Variants in HSPA12B observed in about 807,000 individuals in gnomAD.
HSPA12B encodes the protein heat shock protein family A (Hsp70) member 12B.
In HSPA12B, 54 loss-of-function variants were observed where a neutral mutation model predicts 69.3. The ratio of observed to expected loss-of-function variants is 0.78; its 90% CI spans 0.63 to 0.98. HSPA12B has a LOEUF of 0.98. Ranked by LOEUF, HSPA12B falls within the 50% of genes least tolerant of loss-of-function variation. The pLI, the probability that HSPA12B is intolerant of heterozygous loss-of-function variation, is 0.00. For synonymous variants in HSPA12B, 441 were observed against 436.5 expected (o/e 1.01, Z -0.13); for missense variants, 929 against 999.8 (o/e 0.93, Z 0.96).
chr20:3,733,101 C>G (rs959291516), intron 1 of HSPA12B, among the ~76,000 whole-genome samples: 23 of 152,174 alleles, frequency 1.5e-4, no homozygotes, highest in Non-Finnish European at 2.9e-5. Context: ...GGGGCCTGCT[C>G]CAGGGAGCCA....
chr20:3,744,996 A>G lies in HSPA12B; in HGVS notation c.361A>G (p.Thr121Ala), dbSNP rs750179646. The change falls in exon 5 of 13, where the codon ACC becomes GCC. Residue 121 changes from threonine to alanine, a missense_variant. Around this residue, in one of 3 missense-constraint regions of HSPA12B, gnomAD observed 477 missense variants for 535.2 expected, o/e 0.89. Transcript: ENST00000254963. This position sits in a 1 kb window ranked among gnomAD's most constrained non-coding sequence, Gnocchi z 4.9. ...PEGAFHSFGY[T>A]ARDYYHDLDP... ...GGGCGCCTTCCACAGCTTTGGCTAC[A>G]CCGCCCGCGATTACTACCATGACCT... 6.2e-7 allele frequency: 1 copy of G among 1,613,922 alleles called. No individual in the cohort carries two copies. Among genetic ancestry groups the G allele is most frequent in the Admixed American group, 1.7e-5 (1 of 60,016 alleles).
At position 3,751,615 on chromosome 20, in the gene HSPA12B, G is replaced by A. The variant is rs1197808685; in HGVS notation, c.1510G>A (p.Gly504Ser). ...GCAGCACGCGGTGCAGGCGGCGCTGGGCGCCCGCGGTCTGCGTGTCGTGGT... is the reference window on the plus strand; with the variant it reads ...GCAGCACGCGGTGCAGGCGGCGCTGAGCGCCCGCGGTCTGCGTGTCGTGGT... Reference protein sequence around the residue: ...VLQHAVQAALGARGLRVVVPH... With the variant: ...VLQHAVQAALSARGLRVVVPH... The change falls in exon 13 of 13, where the codon GGC (glycine) becomes AGC (serine). Residue 504 changes from glycine (G) to serine (S), a missense_variant. By Grantham distance (56) the Gly-to-Ser change is moderately conservative (BLOSUM62 0). This residue lies in a region of HSPA12B where 448 missense variants were observed against 448.1 expected (regional missense o/e 1.00). Coordinates refer to ENST00000254963, the MANE Select transcript of HSPA12B (RefSeq NM_052970.5). 2.6e-6 allele frequency: 4 copies of A among 1,528,670 alleles called. No homozygotes were observed. The highest frequency in any genetic ancestry group is 3.5e-6 in the Non-Finnish European group (4 of 1,140,838). 94.7% of individuals were successfully genotyped at this position (1,528,670 alleles called of 1,614,324 possible).
rs756695132 is a variant in HSPA12B at position 3,745,043 on chromosome 20, C to T, written c.408C>T (p.Asp136=). Reference sequence around the variant, plus strand: ...ACCTGGACCCCGAAGAGGCGCGGGACTGGCTCTACTTCGAGAAGTTCAAGA... The same window carrying T: ...ACCTGGACCCCGAAGAGGCGCGGGATTGGCTCTACTTCGAGAAGTTCAAGA... ...YHDLDPEEAR[D]WLYFEKFKMK... is the part of the protein sequence containing the mutation. The change falls in exon 5 of 13, where the codon GAC becomes GAT. Residue 136 remains aspartate, a synonymous_variant. Transcript: ENST00000254963. This position sits in a 1 kb window ranked among gnomAD's most constrained non-coding sequence, Gnocchi z 5.6. The T allele has an allele frequency of 1.2e-6, 2 of 1,613,940 alleles. No individual in the cohort carries two copies. Among genetic ancestry groups the T allele is most frequent in the African/African-American group, 1.3e-5 (1 of 75,050 alleles).
Position 3,742,293 on chromosome 20 carries a change from G to A in HSPA12B, c.151G>A (p.Val51Ile), listed in dbSNP as rs1256592960. The change falls in exon 4 of 13, where the codon GTC becomes ATC. Residue 51 changes from valine to isoleucine, a missense_variant. Physicochemically the swap from Val to Ile is conservative, Grantham distance 29. Transcript: ENST00000254963. ...LTPSQSPKPE[V>I]RAPQQASFSV... ...AGTCTTGCACTTGCAGAAACCCGAGGTCCGAGCCCCCCAGCAGGCCTCCTT... is the reference window on the plus strand; with the variant it reads ...AGTCTTGCACTTGCAGAAACCCGAGATCCGAGCCCCCCAGCAGGCCTCCTT... 6.2e-7 allele frequency: 1 copy of A among 1,613,794 alleles called. No individual in the cohort carries two copies. Among genetic ancestry groups the A allele is most frequent in the Non-Finnish European group, 8.5e-7 (1 of 1,179,824 alleles).
Position 3,749,234 on chromosome 20 carries a change from C to A in HSPA12B, c.853C>A (p.Arg285=). ...CCCTGCTGTCTCCTGACCCCCAGCT[C>A]GGGAGCAGCTGCGAAGGTCCCGCCA... ...RSIDSSFRQA[R]EQLRRSRHSR... is the part of the protein sequence containing the mutation. Residue 285 remains arginine (R), a splice_region_variant and synonymous_variant, in exon 9 of 13, where the codon CGG becomes AGG. Transcript: ENST00000254963. This position sits in a 1 kb window ranked among gnomAD's most constrained non-coding sequence, Gnocchi z 5.5. The A allele has an allele frequency of 6.2e-7, 1 of 1,612,120 alleles. No homozygotes were observed. The highest frequency in any genetic ancestry group is 8.5e-7 in the Non-Finnish European group (1 of 1,179,228).
At position 3,750,039 on chromosome 20, in the gene HSPA12B, CTT is replaced by C. The variant is rs1341181150; in HGVS notation, c.1114_1115del (p.Phe372HisfsTer44). On this transcript the variant is annotated frameshift_variant, in exon 11 of 13. Transcript: ENST00000254963. LOFTEE classifies it high-confidence loss of function. ...QLLCRIFGED[F>X]IATFKRQRPA... ...TGCTGTGCCGCATCTTCGGCGAGGA[CTT>C]CATCGCCACCTTCAAAAGGCAACGG... is the stretch of plus-strand genomic sequence containing the variant. 1 of 1,606,486 alleles carries C rather than the reference CTT, an allele frequency of 6.2e-7. No individual in the cohort carries two copies. Among genetic ancestry groups the C allele is most frequent in the Non-Finnish European group, 8.5e-7 (1 of 1,177,212 alleles).
chr20:3,748,195 C>T, intron 7 of HSPA12B, 22 bp from the exon 8 acceptor site: 1 of 1,521,214 alleles, frequency 6.6e-7, no homozygotes, highest in Non-Finnish European at 8.9e-7. Context: ...GCTGCCTGAC[C>T]CTGCCCACCA....
In HSPA12B at chr20:3,749,632, A is replaced by G. The variant is rs950385661; in HGVS notation, c.938-118A>G. The G allele has an allele frequency of 3.3e-5, 24 of 735,100 alleles. No homozygotes were observed. In the East Asian group the frequency reaches 5.8e-4, roughly 18 times the overall value. 45.5% of individuals were successfully genotyped at this position (735,100 alleles called of 1,614,324 possible). ...TGAAGCCCCTCACGTCCCTCCCCCG[A>G]CCCTGCAGACAGGCCTTGGGACCCG... On this transcript the variant is annotated intron_variant, in intron 9 of 12. Transcript: ENST00000254963. The surrounding 1 kb of genome is among the most constrained non-coding windows in gnomAD (Gnocchi z 5.5).
In HSPA12B at chr20:3,752,333, C is replaced by T; in HGVS notation, c.*167C>T. 1.6e-6 allele frequency: 1 copy of T among 621,518 alleles called. No individual in the cohort carries two copies. The highest frequency in any genetic ancestry group is 2.5e-6 in the Non-Finnish European group (1 of 400,378). The allele number at this position is 621,518 out of a possible 1,614,324, so 38.5% of individuals were successfully genotyped here. On this transcript the variant is annotated 3_prime_UTR_variant, in exon 13 of 13. Coordinates refer to ENST00000254963, the MANE Select transcript of HSPA12B (RefSeq NM_052970.5). ...GGTCATGGGAGAGTGGGTGGGGACACACCCAGAGACTGGCTTTGGGATTGG... is the reference window on the plus strand; with the variant it reads ...GGTCATGGGAGAGTGGGTGGGGACATACCCAGAGACTGGCTTTGGGATTGG...
At position 3,745,799 on chromosome 20, in the gene HSPA12B, C is replaced by T. The variant is rs1477443725; in HGVS notation, c.559-116C>T. 15 of 1,065,222 alleles carry T rather than the reference C, an allele frequency of 1.4e-5. No homozygotes were observed. Among genetic ancestry groups the T allele is most frequent in the Non-Finnish European group, 2.0e-5 (14 of 686,054 alleles). 66.0% of individuals were successfully genotyped at this position (1,065,222 alleles called of 1,614,324 possible). The stretch of plus-strand genomic sequence containing the variant: ...ACTGATGGGAGGGGGGCCGATTCTT[C>T]CAGCTCTGCTGGGAAGTCCTTCCTG... On this transcript the variant is annotated intron_variant, in intron 6 of 12. Coordinates refer to ENST00000254963, the MANE Select transcript of HSPA12B (RefSeq NM_052970.5). This position sits in a 1 kb window ranked among gnomAD's most constrained non-coding sequence, Gnocchi z 5.6.
Position 3,742,403 on chromosome 20 carries a change from G to A in HSPA12B, c.261G>A (p.Met87Ile), listed in dbSNP as rs747351886. 11 of 1,610,530 alleles carry A rather than the reference G, an allele frequency of 6.8e-6. No individual in the cohort carries two copies. Among genetic ancestry groups the A allele is most frequent in the Non-Finnish European group, 9.3e-6 (11 of 1,177,160 alleles). The stretch of plus-strand genomic sequence containing the variant: ...CCAGTGACCCTGAGGCCATCCACAT[G>A]ATGAGGTGAGGTCGGCTGGGCTGAG... ...SFASDPEAIH[M>I]MRKWEGGDPG... is the part of the protein sequence containing the mutation. Residue 87 changes from methionine (M) to isoleucine (I), a missense_variant, in exon 4 of 13, where the codon ATG becomes ATA. Met to Ile is a conservative substitution (Grantham distance 10). This residue lies in a region of HSPA12B where 477 missense variants were observed against 535.2 expected (regional missense o/e 0.89). Transcript: ENST00000254963.
chr20:3,752,117 T>G lies in HSPA12B; in HGVS notation c.2012T>G (p.Val671Gly). Residue 671 changes from valine (V) to glycine (G), a missense_variant, in exon 13 of 13, where the codon GTC becomes GGC. Around this residue, in one of 3 missense-constraint regions of HSPA12B, gnomAD observed 448 missense variants for 448.1 expected, o/e 1.00. Transcript: ENST00000254963. ...GAAATTAAGGTCACCGCCGTCGACG[T>G]CAGCACCAATCGCTCCGTGCGCGCG... Reference protein sequence around the residue: ...DTEIKVTAVDVSTNRSVRASI... With the variant: ...DTEIKVTAVDGSTNRSVRASI... The G allele has an allele frequency of 6.7e-7, 1 of 1,494,020 alleles. No individual in the cohort carries two copies. The highest frequency in any genetic ancestry group is 8.9e-7 in the Non-Finnish European group (1 of 1,128,878). 92.5% of individuals were successfully genotyped at this position (1,494,020 alleles called of 1,614,324 possible).
intron 1 of HSPA12B, among the ~76,000 whole-genome samples, chr20:3,735,621 A>AC (rs1164110777): frequency 2.7e-4 from 41 of 152,150 alleles, no homozygotes; most frequent in Admixed American, 2.6e-3. Flanking sequence ...GTCTGCCACT[A>AC]CGCTTGGCTA....
chr20:3,742,973 A>G (rs1471714611), intron 4 of HSPA12B, among the ~76,000 whole-genome samples: 2 of 151,582 alleles, frequency 1.3e-5, no homozygotes, highest in Non-Finnish European at 2.9e-5. Context: ...TCCTGGGTTC[A>G]TGCCATTCTC....
Position 3,744,549 on chromosome 20 carries a change from G to A in HSPA12B, c.267-353G>A, listed in dbSNP as rs1600319691. Among the ~76,000 whole-genome samples the A allele has an allele frequency of 1.3e-5, 2 of 152,126 alleles. No homozygotes were observed. The highest frequency in any genetic ancestry group is 1.9e-4 in the East Asian group (1 of 5,194). Reference sequence around the variant, plus strand: ...ACTGATCGTGCCCAAGTTCAGCCCCGACCTTCTCTCACCTGGATGGCTGCA... The same window carrying A: ...ACTGATCGTGCCCAAGTTCAGCCCCAACCTTCTCTCACCTGGATGGCTGCA... On this transcript the variant is annotated intron_variant, in intron 4 of 12. Coordinates refer to ENST00000254963, the MANE Select transcript of HSPA12B (RefSeq NM_052970.5). The surrounding 1 kb of genome is among the most constrained non-coding windows in gnomAD (Gnocchi z 4.9).
At chr20:3,733,554 A>AAAG (rs2088063244) in intron 1 of HSPA12B, among the ~76,000 whole-genome samples, 1 of 152,000 alleles carries the variant, frequency 6.6e-6, no homozygotes, top group African/African-American at 2.4e-5. Flanking sequence ...AAAGATGAGG[A>AAAG]CAGGGAGGGG....
intron 2 of HSPA12B, among the ~76,000 whole-genome samples, chr20:3,739,244 A>C (rs1296175925): frequency 9.6e-6 from 1 of 103,738 alleles, no homozygotes; most frequent in Non-Finnish European, 2.0e-5. Context: ...TTGAATGTCC[A>C]TGTGTTTTGT....
At position 3,748,404 on chromosome 20, in the gene HSPA12B, C is replaced by CG. The variant is rs767478497; in HGVS notation, c.850+17dup. 52 of 1,568,334 alleles carry CG rather than the reference C, an allele frequency of 3.3e-5. No individual in the cohort carries two copies. In the African/African-American group the frequency reaches 6.5e-4, roughly 20 times the overall value. ...AGCTTCCGTCAGGGTGAGCTGCCCC[C>CG]GGGGACACCACCCACCCCTGGAGGG... On this transcript the variant is annotated intron_variant, in intron 8 of 12. Coordinates refer to ENST00000254963, the MANE Select transcript of HSPA12B (RefSeq NM_052970.5).
rs139945617 is a variant in HSPA12B, at chr20:3,748,247, C to A, written c.706C>A (p.Gln236Lys). The A allele has an allele frequency of 6.3e-7, 1 of 1,595,564 alleles. No individual in the cohort carries two copies. Among genetic ancestry groups the A allele is most frequent in the Non-Finnish European group, 8.5e-7 (1 of 1,169,734 alleles). Residue 236 changes from glutamine (Q) to lysine (K), a missense_variant, in exon 8 of 13, where the codon CAG (glutamine) becomes AAG (lysine). Physicochemically the swap from Gln to Lys is moderately conservative, Grantham distance 53. Coordinates refer to ENST00000254963, the MANE Select transcript of HSPA12B (RefSeq NM_052970.5). ...AGLVSRENAE[Q>K]LLIALEPEAA... ...ACTAGTGTCCCGAGAGAATGCAGAG[C>A]AGCTACTCATCGCCCTGGAGCCCGA...
Sources: allele counts gnomAD v4.1 joint callset (sites outside exome capture counted in the v4.1 genomes callset), GRCh38; gene constraint gnomAD v4.1.1; regional missense constraint gnomAD v4.1.1; non-coding constraint Gnocchi (gnomAD v3.1); transcripts MANE v1.5; gene names NCBI Gene and HGNC (gene_info 2026-07-23, HGNC 2026-07-21).